Variants in AUTS2 observed in about 807,000 individuals in gnomAD.
AUTS2 encodes the protein activator of transcription and developmental regulator AUTS2.
A neutral mutation model predicts 112.4 loss-of-function variants in AUTS2; 17 were observed. The observed-to-expected ratio is 0.15, with a 90% confidence interval of 0.10 to 0.23. The LOEUF (loss-of-function observed/expected upper bound fraction) is 0.23, where lower values mean the gene tolerates loss of function less well. AUTS2 is among the 10% of genes least tolerant of loss of function. The pLI is 1.00. For synonymous variants in AUTS2, 751 were observed against 702.7 expected (o/e 1.07, Z -1.09); for missense variants, 1,510 against 1,701.6 (o/e 0.89, Z 1.98).
intron 5 of AUTS2, among the ~76,000 whole-genome samples, chr7:70,695,201 T>C (rs1809012865): frequency 6.6e-6 from 1 of 152,092 alleles, no homozygotes; most frequent in Non-Finnish European, 1.5e-5. Context: ...GCCCCTTCGC[T>C]ACCCCTCCTC....
At chr7:70,782,125 C>T (rs1216631378) in intron 15 of AUTS2, 3 of 236,352 alleles carry the variant, frequency 1.3e-5, no homozygotes, top group South Asian at 6.4e-5. Context: ...AGGATGCGGT[C>T]GCCCTTAATA....
Position 69,861,167 on chromosome 7 carries a change from G to A in AUTS2, c.310-38119G>A, listed in dbSNP as rs1792964087. On this transcript the variant is annotated intron_variant, in intron 1 of 18. Transcript: ENST00000342771. The stretch of plus-strand genomic sequence containing the variant: ...ATATGCCTTTCTCTTTGATTTGTAG[G>A]AGGGGGTGGGAAGTAATGCTGCTGC... Among the ~76,000 whole-genome samples, 2 of 152,206 alleles carry A rather than the reference G, an allele frequency of 1.3e-5. 1 individual carries two copies. The highest frequency in any genetic ancestry group is 4.2e-4 in the South Asian group (2 of 4,816).
intron 5 of AUTS2, among the ~76,000 whole-genome samples, chr7:70,440,463 G>A (rs1430242304): frequency 7.9e-5 from 12 of 152,094 alleles, no homozygotes; most frequent in Admixed American, 7.2e-4. Context: ...CTGGTCCATA[G>A]TAACTGCTCA....
chr7:70,533,367 C>A (rs1303663330), intron 5 of AUTS2, among the ~76,000 whole-genome samples: 1 of 152,150 alleles, frequency 6.6e-6, no homozygotes, highest in Non-Finnish European at 1.5e-5. Flanking sequence ...TCACACCTGA[C>A]CCTCCCGGAG....
intron 1 of AUTS2, among the ~76,000 whole-genome samples, chr7:69,694,021 A>G (rs1284117090): frequency 6.6e-6 from 1 of 152,204 alleles, no homozygotes; most frequent in African/African-American, 2.4e-5. Flanking sequence ...GCTGAATTTC[A>G]TGGGCAACAC....
chr7:70,572,319 T>C lies in AUTS2; in HGVS notation c.691-126250T>C, dbSNP rs551083432. Among the ~76,000 whole-genome samples, 4 of 152,198 alleles carry C rather than the reference T, an allele frequency of 2.6e-5. No individual in the cohort carries two copies. The East Asian group carries it at 7.8e-4, about 30-fold the overall frequency. Reference sequence around the variant, plus strand: ...GAGGGGAAATACAGGGTCACCTTTGTGGACGGCAAATAGCCAGGTCCTGAA... The same window carrying C: ...GAGGGGAAATACAGGGTCACCTTTGCGGACGGCAAATAGCCAGGTCCTGAA... On this transcript the variant is annotated intron_variant, in intron 5 of 18. Transcript: ENST00000342771.
chr7:70,624,604 C>T (rs1804841794), intron 5 of AUTS2, among the ~76,000 whole-genome samples: 1 of 152,192 alleles, frequency 6.6e-6, no homozygotes, highest in South Asian at 2.1e-4. Flanking sequence ...GACAGGAGGG[C>T]CCAGGGACCT....
intron 4 of AUTS2, among the ~76,000 whole-genome samples, chr7:70,435,384 A>G (rs1164391832): frequency 2.0e-5 from 3 of 152,214 alleles, no homozygotes; most frequent in Non-Finnish European, 2.9e-5. Flanking sequence ...TTCATTGAAC[A>G]ATCTTGATTC....
intron 1 of AUTS2, among the ~76,000 whole-genome samples, chr7:69,795,653 G>A (rs1457276667): frequency 6.6e-6 from 1 of 152,208 alleles, no homozygotes; most frequent in Non-Finnish European, 1.5e-5. Flanking sequence ...ATGAAGATGA[G>A]CAGTTGGATG....
intron 4 of AUTS2, among the ~76,000 whole-genome samples, chr7:70,157,634 C>T (rs1807853027): frequency 6.6e-6 from 1 of 152,150 alleles, no homozygotes; most frequent in Non-Finnish European, 1.5e-5. Flanking sequence ...TGTTCATTCT[C>T]TTCACCCTTG....
At chr7:70,719,898 A>G (rs992884434) in intron 6 of AUTS2, among the ~76,000 whole-genome samples, 7 of 152,216 alleles carry the variant, frequency 4.6e-5, no homozygotes, top group African/African-American at 1.7e-4. Context: ...AAGGTAATTT[A>G]GGATGATGTT....
intron 4 of AUTS2, among the ~76,000 whole-genome samples, chr7:70,402,836 CA>C (rs1375583573): frequency 1.3e-5 from 2 of 152,164 alleles, no homozygotes; most frequent in African/African-American, 4.8e-5. Flanking sequence ...TTGATCCCCC[CA>C]AATCGATGCC....
intron 2 of AUTS2, among the ~76,000 whole-genome samples, chr7:69,906,516 T>C (rs1795154145): frequency 6.6e-6 from 1 of 152,208 alleles, no homozygotes; most frequent in African/African-American, 2.4e-5. Context: ...ACTCACAATG[T>C]GCTATTTACA....
Position 70,245,142 on chromosome 7 carries a change from GTGTATA to G in AUTS2, c.660+110573_660+110578del, listed in dbSNP as rs1178317032. ...CTCAAAAAAAAAAAAAAGTGTGTGT[GTGTATA>G]TATATATATATATATATATATAAAA... On this transcript the variant is annotated intron_variant, in intron 4 of 18. Coordinates refer to ENST00000342771, the MANE Select transcript of AUTS2 (RefSeq NM_015570.4). 2.7e-3 allele frequency among the ~76,000 whole-genome samples: 195 copies of G among 72,232 alleles called. 5 individuals are homozygous for G. Among genetic ancestry groups the G allele is most frequent in the African/African-American group, 9.7e-3 (177 of 18,174 alleles). 47.4% of individuals were successfully genotyped at this position (72,232 alleles called of 152,430 possible). A position where few individuals can be genotyped will look rare whatever the true frequency, so the allele number is the denominator to read the frequency against.
At chr7:70,541,777 G>A (rs1310547792) in intron 5 of AUTS2, among the ~76,000 whole-genome samples, 2 of 152,204 alleles carry the variant, frequency 1.3e-5, no homozygotes, top group Non-Finnish European at 2.9e-5. Flanking sequence ...TAGAGGAAAG[G>A]TGCTTCACAG....
At chr7:69,852,556 G>A (rs940657227) in intron 1 of AUTS2, among the ~76,000 whole-genome samples, 2 of 152,000 alleles carry the variant, frequency 1.3e-5, no homozygotes, top group Non-Finnish European at 2.9e-5. Flanking sequence ...GGGCTCAAGC[G>A]ATTCTCCTGC....
chr7:70,450,005 A>G (rs914549293), intron 5 of AUTS2, among the ~76,000 whole-genome samples: 1 of 152,210 alleles, frequency 6.6e-6, no homozygotes, highest in African/African-American at 2.4e-5. Flanking sequence ...TCTTTGTCCA[A>G]AGGGATTGTG....
chr7:70,500,044 G>A (rs779389163), intron 5 of AUTS2, among the ~76,000 whole-genome samples: 34 of 151,982 alleles, frequency 2.2e-4, no homozygotes, highest in South Asian at 4.2e-4. Flanking sequence ...GACAGTGAGT[G>A]TATATGTTTT....
chr7:69,926,445 G>GTCTGTCTGTCTA lies in AUTS2; in HGVS notation c.522+26950_522+26951insGTCTGTCTATCT, dbSNP rs796507485. 1.2e-3 allele frequency among the ~76,000 whole-genome samples: 149 copies of GTCTGTCTGTCTA among 123,194 alleles called. 1 individual carries two copies. The highest frequency in any genetic ancestry group is 4.8e-3 in the African/African-American group (146 of 30,570). The allele number at this position is 123,194 out of a possible 152,430, so 80.8% of individuals were successfully genotyped here. A position where few individuals can be genotyped will look rare whatever the true frequency, so the allele number is the denominator to read the frequency against. ...CTGAAATCTATCTGTCTGTCTGTCT[G>GTCTGTCTGTCTA]TCTATCTATCTATCTATCTATCTAT... On this transcript the variant is annotated intron_variant, in intron 2 of 18. Coordinates refer to ENST00000342771, the MANE Select transcript of AUTS2 (RefSeq NM_015570.4).
Sources: gnomAD v4.1 joint callset for allele counts (sites outside exome capture counted in the v4.1 genomes callset) on GRCh38, gnomAD v4.1.1 for gene constraint, MANE v1.5 for transcripts, NCBI Gene and HGNC (gene_info 2026-07-23, HGNC 2026-07-21) for gene names.